Variants in CACNA2D3 observed in about 807,000 individuals in gnomAD.
CACNA2D3 encodes the protein voltage-dependent calcium channel subunit alpha-2/delta-3.
A neutral mutation model predicts 160.6 loss-of-function variants in CACNA2D3; 60 were observed. The ratio of observed to expected loss-of-function variants is 0.37; its 90% CI spans 0.30 to 0.46. The LOEUF is 0.46. Ranked by LOEUF, CACNA2D3 falls within the 20% of genes least tolerant of loss-of-function variation. The pLI is 1.00. For missense variants in CACNA2D3, 1,205 were observed against 1,365.0 expected (o/e 0.88, Z 1.85); for synonymous variants, 558 against 492.9 (o/e 1.13, Z -1.75).
chr3:54,946,100 A>G (rs1451129387), intron 27 of CACNA2D3, among the ~76,000 whole-genome samples: 2 of 152,248 alleles, frequency 1.3e-5, no homozygotes, highest in African/African-American at 4.8e-5. Context: ...AATAAAAAGC[A>G]GTATGCATTG....
At chr3:54,599,006 C>T (rs902698906) in intron 9 of CACNA2D3, among the ~76,000 whole-genome samples, 6 of 152,054 alleles carry the variant, frequency 3.9e-5, no homozygotes, top group Non-Finnish European at 5.9e-5. Flanking sequence ...CAGGTGACAA[C>T]GATAGGAAGA....
At chr3:54,789,266 A>G (rs1261180839) in intron 13 of CACNA2D3, among the ~76,000 whole-genome samples, 4 of 152,208 alleles carry the variant, frequency 2.6e-5, no homozygotes, top group Admixed American at 2.6e-4. Flanking sequence ...CTATTCCAAG[A>G]TATGTGTTTT....
intron 4 of CACNA2D3, among the ~76,000 whole-genome samples, chr3:54,493,561 T>C (rs571724586): frequency 6.6e-6 from 1 of 152,302 alleles, no homozygotes; most frequent in African/African-American, 2.4e-5. Context: ...TCCTATTCCC[T>C]TCCCTAGTTA....
Position 54,570,122 on chromosome 3 carries a change from T to C in CACNA2D3, c.888+18T>C. The stretch of plus-strand genomic sequence containing the variant: ...TAATTGCTGTGAGTGCACCGTTTTG[T>C]GCCTTCTTTGCACTTGGGTTCATTT... On this transcript the variant is annotated intron_variant, in intron 8 of 37. Coordinates refer to ENST00000474759, the MANE Select transcript of CACNA2D3 (RefSeq NM_018398.3). The C allele has an allele frequency of 6.2e-7, 1 of 1,607,890 alleles. No homozygotes were observed. Among genetic ancestry groups the C allele is most frequent in the South Asian group, 1.1e-5 (1 of 90,714 alleles).
chr3:54,570,999 C>T (rs923920775), intron 8 of CACNA2D3, among the ~76,000 whole-genome samples: 2 of 152,148 alleles, frequency 1.3e-5, no homozygotes, highest in African/African-American at 4.8e-5. Context: ...TTCACTGGTG[C>T]AGCTTGTTTT....
intron 4 of CACNA2D3, among the ~76,000 whole-genome samples, chr3:54,403,387 A>G (rs1332343258): frequency 6.6e-6 from 1 of 151,618 alleles, no homozygotes; most frequent in East Asian, 1.9e-4. Context: ...ACACACACAC[A>G]CACACACACA....
chr3:54,646,144 T>A lies in CACNA2D3; in HGVS notation c.1167+3903T>A, dbSNP rs188949138. On this transcript the variant is annotated intron_variant, in intron 11 of 37. Transcript: ENST00000474759. ...CTTCCTTTCTTCCTTCCTTCCTTCC[T>A]TCCTTCCCTCCCTCCCTCCCTCCCT... Among the ~76,000 whole-genome samples the A allele has an allele frequency of 1.7e-4, 5 of 30,284 alleles. 1 individual carries two copies. The highest frequency in any genetic ancestry group is 4.0e-4 in the Non-Finnish European group (5 of 12,642). 19.9% of individuals were successfully genotyped at this position (30,284 alleles called of 152,430 possible). A position where few individuals can be genotyped will look rare whatever the true frequency, so the allele number is the denominator to read the frequency against.
At chr3:54,353,458 A>ATT (rs33922758) in intron 3 of CACNA2D3, among the ~76,000 whole-genome samples, 1 of 147,138 alleles carries the variant, frequency 6.8e-6, no homozygotes, top group African/African-American at 2.5e-5. Context: ...CAGGAATAGC[A>ATT]TTTTTTTTTT....
At chr3:55,013,836 A>G (rs761244042) in intron 34 of CACNA2D3, among the ~76,000 whole-genome samples, 1 of 152,212 alleles carries the variant, frequency 6.6e-6, no homozygotes, top group Non-Finnish European at 1.5e-5. Flanking sequence ...AATCTATTCA[A>G]TCCCAATTGT....
chr3:54,193,537 C>T (rs1701019092), intron 2 of CACNA2D3, among the ~76,000 whole-genome samples: 2 of 152,194 alleles, frequency 1.3e-5, no homozygotes, highest in Admixed American at 1.3e-4. Context: ...ATCTTCATAA[C>T]TGCCCCATTA....
At position 54,896,755 on chromosome 3, in the gene CACNA2D3, C is replaced by A; in HGVS notation, c.2253C>A (p.Phe751Leu). Reference sequence around the variant, plus strand: ...GATTCTTTTCCACTTCAAGGGACTTCCTGAAAGCTGGCGACAAGGAGAACA... The same window carrying A: ...GATTCTTTTCCACTTCAAGGGACTTACTGAAAGCTGGCGACAAGGAGAACA... The part of the protein sequence containing the change: ...VGAEQLTNQD[F>L]LKAGDKENIF... Residue 751 changes from phenylalanine (F) to leucine (L), a missense_variant, in exon 26 of 38, where the codon TTC becomes TTA. Physicochemically the swap from Phe to Leu is conservative, Grantham distance 22. Around this residue, in one of 3 missense-constraint regions of CACNA2D3, gnomAD observed 911 missense variants for 1,002.2 expected, o/e 0.91. Transcript: ENST00000474759. 1 of 1,614,010 alleles carries A rather than the reference C, an allele frequency of 6.2e-7. No individual in the cohort carries two copies. The highest frequency in any genetic ancestry group is 8.5e-7 in the Non-Finnish European group (1 of 1,179,874).
chr3:54,165,375 T>C (rs1342821550), intron 2 of CACNA2D3, among the ~76,000 whole-genome samples: 1 of 151,954 alleles, frequency 6.6e-6, no homozygotes, highest in Non-Finnish European at 1.5e-5. Flanking sequence ...TGCTCTGGTG[T>C]CCTGTGTGGG....
intron 4 of CACNA2D3, among the ~76,000 whole-genome samples, chr3:54,464,447 G>A (rs1303445338): frequency 6.6e-6 from 1 of 152,256 alleles, no homozygotes. Flanking sequence ...CTTCCCGGCT[G>A]CTTTGTTTCC....
chr3:54,485,709 G>A (rs945382101), intron 4 of CACNA2D3, among the ~76,000 whole-genome samples: 5 of 152,000 alleles, frequency 3.3e-5, no homozygotes, highest in East Asian at 3.9e-4. Flanking sequence ...GACTACAGAC[G>A]TGCAACAGCA....
chr3:54,597,289 T>C (rs1053799598), intron 9 of CACNA2D3, among the ~76,000 whole-genome samples: 18 of 152,186 alleles, frequency 1.2e-4, no homozygotes, highest in Non-Finnish European at 1.5e-5. Context: ...CCTCAGCACC[T>C]TGTGAGATCT....
At position 54,293,293 on chromosome 3, in the gene CACNA2D3, A is replaced by G. The variant is rs1703252583; in HGVS notation, c.205-27149A>G. Among the ~76,000 whole-genome samples the G allele has an allele frequency of 2.0e-5, 3 of 152,022 alleles. No homozygotes were observed. In the South Asian group the frequency reaches 6.2e-4, roughly 32 times the overall value. Reference sequence around the variant, plus strand: ...GTGGTAATTTCTGAGAATTTGGTGCACCCATCACCTGAGCAGTATACACGG... The same window carrying G: ...GTGGTAATTTCTGAGAATTTGGTGCGCCCATCACCTGAGCAGTATACACGG... On this transcript the variant is annotated intron_variant, in intron 2 of 37. Transcript: ENST00000474759.
At chr3:55,053,735 A>C (rs1209670197) in intron 35 of CACNA2D3, among the ~76,000 whole-genome samples, 1 of 151,980 alleles carries the variant, frequency 6.6e-6, no homozygotes, top group Non-Finnish European at 1.5e-5. Context: ...AAATAAAGAT[A>C]ATTTCTTCCT....
intron 2 of CACNA2D3, among the ~76,000 whole-genome samples, chr3:54,140,384 C>G (rs1238135745): frequency 1.3e-5 from 2 of 152,206 alleles, no homozygotes. Context: ...AGCAAAATAC[C>G]AGGCGTTCTG....
At chr3:54,542,291 A>C (rs1439503329) in intron 5 of CACNA2D3, among the ~76,000 whole-genome samples, 2 of 152,094 alleles carry the variant, frequency 1.3e-5, no homozygotes, top group East Asian at 3.9e-4. Context: ...CAATCTTCTG[A>C]CCTTGTGATC....
Sources: allele counts gnomAD v4.1 joint callset (sites outside exome capture counted in the v4.1 genomes callset), GRCh38; gene constraint gnomAD v4.1.1; regional missense constraint gnomAD v4.1.1; transcripts MANE v1.5; gene names NCBI Gene and HGNC (gene_info 2026-07-23, HGNC 2026-07-21).